The following ITIH2 variants were observed in gnomAD, a reference collection of about 807,000 sequenced individuals.
The protein encoded by ITIH2 is inter-alpha-trypsin inhibitor heavy chain 2.
In ITIH2, 103 loss-of-function variants were observed where a neutral mutation model predicts 104.4. The observed-to-expected ratio is 0.99, with a 90% confidence interval of 0.84 to 1.16. The LOEUF (loss-of-function observed/expected upper bound fraction) is 1.16. Among genes scored for constraint, ITIH2 ranks in the 50% most tolerant of loss-of-function variants. ITIH2 has a pLI of 0.00. For synonymous variants in ITIH2, 436 were observed against 435.4 expected (o/e 1.00, Z -0.02); for missense variants, 1,108 against 1,162.4 (o/e 0.95, Z 0.68).
chr10:7,743,946 A>AAAT, intron 17 of ITIH2, 136 bp from the exon 18 acceptor site: 1 of 496,132 alleles, frequency 2.0e-6, no homozygotes. Flanking sequence ...AAAGAAGAAA[A>AAAT]TGTTAATGTA....
intron 15 of ITIH2, among the ~76,000 whole-genome samples, chr10:7,736,341 A>G (rs957640397): frequency 3.9e-5 from 6 of 152,116 alleles, no homozygotes; most frequent in Admixed American, 2.6e-4. Flanking sequence ...CTCCAGCCTG[A>G]GTAACAGAAT....
chr10:7,730,271 G>A (rs1834990271), intron 12 of ITIH2, 138 bp downstream of exon 12: 1 of 628,250 alleles, frequency 1.6e-6, no homozygotes, highest in East Asian at 2.8e-5. Context: ...AAGGATCAGG[G>A]AAGTGCCCAG....
intron 19 of ITIH2, 54 bp downstream of exon 19, chr10:7,745,017 A>C (rs1289932128): frequency 1.3e-6 from 2 of 1,516,422 alleles, no homozygotes; most frequent in African/African-American, 1.4e-5. Context: ...ATTCTTTAGC[A>C]GCTTTGGTTG....
rs1406349208 is a variant in ITIH2, at chr10:7,743,241, G to T, written c.2191G>T (p.Val731Phe). ...DSEPGKILNLVSDPESGIVVN... is the reference protein window; with the variant it reads ...DSEPGKILNLFSDPESGIVVN... The stretch of plus-strand genomic sequence containing the variant: ...AGAACCTGGAAAAATCCTCAACCTG[G>T]TTTCTGACCCAGAATCAGGTAAAAT... The change falls in exon 17 of 21, where the codon GTT becomes TTT. Residue 731 changes from valine (V) to phenylalanine (F), a missense_variant. Val to Phe is a conservative substitution (Grantham distance 50). Coordinates refer to ENST00000358415, the MANE Select transcript of ITIH2 (RefSeq NM_002216.3). 1.3e-6 allele frequency: 2 copies of T among 1,568,008 alleles called. No individual in the cohort carries two copies. The highest frequency in any genetic ancestry group is 1.7e-6 in the Non-Finnish European group (2 of 1,149,588).
intron 3 of ITIH2, among the ~76,000 whole-genome samples, chr10:7,708,043 AG>A (rs1834763670): frequency 6.6e-6 from 1 of 152,252 alleles, no homozygotes; most frequent in Non-Finnish European, 1.5e-5. Context: ...CTGAATTGGC[AG>A]AAACTGCCAG....
chr10:7,717,478 C>A lies in ITIH2; in HGVS notation c.468-148C>A, dbSNP rs1834860729. 9.0e-6 allele frequency: 6 copies of A among 664,838 alleles called. No individual in the cohort carries two copies. The South Asian group carries it at 1.2e-4, about 13-fold the overall frequency. The allele number at this position is 664,838 out of a possible 1,614,324, so 41.2% of individuals were successfully genotyped here. Reference sequence around the variant, plus strand: ...GGATTCAACTGATCTAGAAGCTGCACTTATCTCTAGTGTACCTACTGTTCA... The same window carrying A: ...GGATTCAACTGATCTAGAAGCTGCAATTATCTCTAGTGTACCTACTGTTCA... On this transcript the variant is annotated intron_variant, in intron 5 of 20. Transcript: ENST00000358415.
At position 7,707,188 on chromosome 10, in the gene ITIH2, C is replaced by A; in HGVS notation, c.160-13C>A. 6.3e-7 allele frequency: 1 copy of A among 1,595,120 alleles called. No homozygotes were observed. The highest frequency in any genetic ancestry group is 8.6e-7 in the Non-Finnish European group (1 of 1,164,672). On this transcript the variant is annotated splice_polypyrimidine_tract_variant and intron_variant, in intron 2 of 20. Coordinates refer to ENST00000358415, the MANE Select transcript of ITIH2 (RefSeq NM_002216.3). The stretch of plus-strand genomic sequence containing the variant: ...ATACAGTTGAAGAATGATTGTCTAA[C>A]TTCCTTTCACAGAGAAGCCTTCCAG...
intron 15 of ITIH2, among the ~76,000 whole-genome samples, chr10:7,735,640 A>C (rs891134372): frequency 6.6e-6 from 1 of 150,778 alleles, no homozygotes; most frequent in Non-Finnish European, 1.5e-5. Context: ...CTGTCACATC[A>C]CTGTTTTCTT....
intron 12 of ITIH2, among the ~76,000 whole-genome samples, chr10:7,731,242 G>A (rs1216464985): frequency 6.6e-6 from 1 of 151,980 alleles, no homozygotes; most frequent in African/African-American, 2.4e-5. Flanking sequence ...TCATAAGTTT[G>A]TCCAAGAGTT....
chr10:7,706,533 A>G (rs1396284112), intron 2 of ITIH2, among the ~76,000 whole-genome samples: 1 of 152,214 alleles, frequency 6.6e-6, no homozygotes, highest in Non-Finnish European at 1.5e-5. Flanking sequence ...ACTGTGGAGG[A>G]AATACATGAA....
intron 4 of ITIH2, among the ~76,000 whole-genome samples, chr10:7,710,527 A>T (rs892924821): frequency 6.7e-6 from 1 of 149,518 alleles, no homozygotes; most frequent in Non-Finnish European, 1.5e-5. Flanking sequence ...AAGTCTGGCT[A>T]TTTTTTTTTT....
chr10:7,703,873 G>A (rs1834720660), intron 1 of ITIH2, among the ~76,000 whole-genome samples: 1 of 152,118 alleles, frequency 6.6e-6, no homozygotes, highest in Non-Finnish European at 1.5e-5. Context: ...CAGAGCGCCT[G>A]GACTAGTAAG....
At chr10:7,745,917 G>C (rs1835172381) in intron 19 of ITIH2, among the ~76,000 whole-genome samples, 1 of 150,988 alleles carries the variant, frequency 6.6e-6, no homozygotes, top group Non-Finnish European at 1.5e-5. Context: ...ACCACGCCCA[G>C]CTAATTTTGT....
intron 4 of ITIH2, among the ~76,000 whole-genome samples, chr10:7,709,666 G>T (rs1207742514): frequency 6.6e-6 from 1 of 152,076 alleles, no homozygotes; most frequent in Non-Finnish European, 1.5e-5. Flanking sequence ...TTTCCTTGAT[G>T]ATAAACTCAC....
rs752724249 is a variant in ITIH2 at position 7,705,209 on chromosome 10, G to T, written c.159+27G>T. 5.5e-6 allele frequency: 8 copies of T among 1,445,342 alleles called. No individual in the cohort carries two copies. The highest frequency in any genetic ancestry group is 6.7e-6 in the Non-Finnish European group (7 of 1,038,388). 89.5% of individuals were successfully genotyped at this position (1,445,342 alleles called of 1,614,324 possible). A position where few individuals can be genotyped will look rare whatever the true frequency, so the allele number is the denominator to read the frequency against. On this transcript the variant is annotated intron_variant, in intron 2 of 20. Transcript: ENST00000358415. ...TATAGTAAGGTTTACTCCCAAAAGGGGGAAAAAAAGTGAAAGAGATTATGG... is the reference window on the plus strand; with the variant it reads ...TATAGTAAGGTTTACTCCCAAAAGGTGGAAAAAAAGTGAAAGAGATTATGG...
Position 7,720,853 on chromosome 10 carries a change from TA to T in ITIH2, c.631-2del, listed in dbSNP as rs1834895520. On this transcript the variant is annotated splice_acceptor_variant, in intron 6 of 20. Transcript: ENST00000358415. LOFTEE classifies it high-confidence loss of function. Reference sequence around the variant, plus strand: ...TTTGGGTAATTTTCTCTTGCATCTCTAGGTAGATGTGTGGGTTATCGAACCA... The same window carrying T: ...TTTGGGTAATTTTCTCTTGCATCTCTGGTAGATGTGTGGGTTATCGAACCA... 6.4e-7 allele frequency: 1 copy of T among 1,570,318 alleles called. No homozygotes were observed. The highest frequency in any genetic ancestry group is 2.2e-5 in the East Asian group (1 of 44,660).
rs1300106306 is a variant in ITIH2 at position 7,738,806 on chromosome 10, AT to A, written c.2095+49del. On this transcript the variant is annotated intron_variant, in intron 16 of 20. Transcript: ENST00000358415. ...ACGTCCCAGAACTCAGCCGACCATAATCCTGGGAAGCATTGTGTGCATGAGG... is the reference window on the plus strand; with the variant it reads ...ACGTCCCAGAACTCAGCCGACCATAACCTGGGAAGCATTGTGTGCATGAGG... 3.9e-6 allele frequency: 6 copies of A among 1,520,010 alleles called. No individual in the cohort carries two copies. The African/African-American group carries it at 8.5e-5, about 21-fold the overall frequency. The allele number at this position is 1,520,010 out of a possible 1,614,324, so 94.2% of individuals were successfully genotyped here. A position where few individuals can be genotyped will look rare whatever the true frequency, so the allele number is the denominator to read the frequency against.
intron 9 of ITIH2, among the ~76,000 whole-genome samples, chr10:7,724,502 G>A (rs950033989): frequency 6.9e-6 from 1 of 144,574 alleles, no homozygotes; most frequent in South Asian, 2.2e-4. Flanking sequence ...CCCAGGAAGC[G>A]GGAGTTGCAG....
At chr10:7,734,602 G>A (rs373536921) in intron 14 of ITIH2, among the ~76,000 whole-genome samples, 1 of 152,158 alleles carries the variant, frequency 6.6e-6, no homozygotes, top group African/African-American at 2.4e-5. Flanking sequence ...GGCTGAGGGA[G>A]GAGGATCTCT....
Sources: gnomAD v4.1 joint callset for allele counts (sites outside exome capture counted in the v4.1 genomes callset) on GRCh38, gnomAD v4.1.1 for gene constraint, MANE v1.5 for transcripts, NCBI Gene and HGNC (gene_info 2026-07-23, HGNC 2026-07-21) for gene names.